The following CNTNAP3B variants were observed in gnomAD, a reference collection of about 807,000 sequenced individuals.
CNTNAP3B encodes contactin associated protein family member 3B, also known as contactin-associated protein-like 3B.
In CNTNAP3B, 25 loss-of-function variants were observed where a neutral mutation model predicts 108.9. That is an observed-to-expected ratio of 0.23 (90% CI 0.17 to 0.32). CNTNAP3B has a LOEUF of 0.32. Ranked by LOEUF, CNTNAP3B falls within the 10% of genes least tolerant of loss-of-function variation. The pLI, the probability that CNTNAP3B is intolerant of heterozygous loss-of-function variation, is 1.00. For missense variants in CNTNAP3B, 252 were observed against 1,210.4 expected (o/e 0.21, Z 11.75); for synonymous variants, 103 against 473.4 (o/e 0.22, Z 10.16).
intron 1 of CNTNAP3B, among the ~76,000 whole-genome samples, chr9:42,118,000 C>T (rs1334256508): frequency 2.2e-5 from 3 of 133,412 alleles, no homozygotes; most frequent in Non-Finnish European, 3.2e-5. Context: ...TCTGAATAGA[C>T]CAATAACAGG....
chr9:41,945,151 C>A (rs1824487696), intron 13 of CNTNAP3B, among the ~76,000 whole-genome samples: 1 of 152,310 alleles, frequency 6.6e-6, no homozygotes, highest in Non-Finnish European at 1.5e-5. Context: ...AATAGGAACA[C>A]TTTTACACTG....
Position 42,085,061 on chromosome 9 carries a change from AT to A in CNTNAP3B, c.197-8000del, listed in dbSNP as rs1289022691. 5.8e-5 allele frequency among the ~76,000 whole-genome samples: 7 copies of A among 121,664 alleles called. No individual in the cohort carries two copies. In the South Asian group the frequency reaches 2.1e-3, roughly 36 times the overall value. 79.8% of individuals were successfully genotyped at this position (121,664 alleles called of 152,430 possible). A position where few individuals can be genotyped will look rare whatever the true frequency, so the allele number is the denominator to read the frequency against. ...ATAGGACCAATTGTTGTAATTTACC[AT>A]TTTCATCATTGGTCATAGTCCTTTT... On this transcript the variant is annotated intron_variant, in intron 2 of 23. Coordinates refer to ENST00000377561, the MANE Select transcript of CNTNAP3B (RefSeq NM_001201380.3).
chr9:41,946,027 C>T (rs80323968), intron 13 of CNTNAP3B, among the ~76,000 whole-genome samples: 1 of 152,260 alleles, frequency 6.6e-6, no homozygotes, highest in African/African-American at 2.4e-5. Flanking sequence ...GTCAATATAA[C>T]AAGAAGATAT....
chr9:42,112,011 G>T (rs1478373596), intron 1 of CNTNAP3B, among the ~76,000 whole-genome samples: 1 of 139,166 alleles, frequency 7.2e-6, no homozygotes, highest in African/African-American at 2.9e-5. Context: ...CAAATTTCAG[G>T]TCCTGGCATT....
chr9:42,060,973 GA>G (rs1273972781), intron 3 of CNTNAP3B, among the ~76,000 whole-genome samples: 2 of 91,316 alleles, frequency 2.2e-5, no homozygotes, highest in Non-Finnish European at 4.3e-5. Flanking sequence ...GACTTTTATG[GA>G]TTTTTTTTAT....
intron 18 of CNTNAP3B, among the ~76,000 whole-genome samples, chr9:41,917,949 C>A (rs1184565911): frequency 6.6e-6 from 1 of 152,306 alleles, no homozygotes; most frequent in Non-Finnish European, 1.5e-5. Context: ...GGCTTAAATG[C>A]CTCAAACTCT....
chr9:42,016,634 C>A (rs1278335259), intron 3 of CNTNAP3B, among the ~76,000 whole-genome samples: 2 of 151,818 alleles, frequency 1.3e-5, no homozygotes, highest in African/African-American at 4.9e-5. Flanking sequence ...CAGCCTTCAA[C>A]AATTCTGCAG....
intron 3 of CNTNAP3B, among the ~76,000 whole-genome samples, chr9:42,071,215 C>T (rs1228880770): frequency 6.9e-6 from 1 of 145,644 alleles, no homozygotes; most frequent in Non-Finnish European, 1.5e-5. Context: ...GTGGGGAGGG[C>T]AGTGGGAGCT....
intron 3 of CNTNAP3B, among the ~76,000 whole-genome samples, chr9:42,028,751 AT>A (rs1277885837): frequency 6.7e-6 from 1 of 150,176 alleles, no homozygotes; most frequent in Non-Finnish European, 1.5e-5. Context: ...GAAGTTTGGC[AT>A]TTTTATATAA....
intron 4 of CNTNAP3B, among the ~76,000 whole-genome samples, chr9:42,003,734 T>G (rs1422451823): frequency 7.3e-6 from 1 of 137,712 alleles, no homozygotes; most frequent in Non-Finnish European, 1.6e-5. Context: ...CAAAGGCAGG[T>G]GGATCATTTG....
intron 11 of CNTNAP3B, among the ~76,000 whole-genome samples, chr9:41,964,332 T>A (rs1391676876): frequency 2.0e-5 from 3 of 152,194 alleles, no homozygotes; most frequent in Non-Finnish European, 2.9e-5. Context: ...TTTTTTTCAA[T>A]CCTATGCGTA....
rs1366739112 is a variant in CNTNAP3B at position 42,096,579 on chromosome 9, A to T, written c.196+8050T>A. Among the ~76,000 whole-genome samples, 2 of 131,644 alleles carry T rather than the reference A, an allele frequency of 1.5e-5. 1 individual carries two copies. The highest frequency in any genetic ancestry group is 3.2e-5 in the Non-Finnish European group (2 of 62,626). 86.4% of individuals were successfully genotyped at this position (131,644 alleles called of 152,430 possible). ...GAAAAATTTCAGTGAGCTTGGAAGC[A>T]GGGTCATTTATGTTAATTGTACATG... On this transcript the variant is annotated intron_variant, in intron 2 of 23. Transcript: ENST00000377561.
At chr9:41,936,732 CACTGCACTAAA>C (rs1175116556) in intron 14 of CNTNAP3B, among the ~76,000 whole-genome samples, 5 of 152,208 alleles carry the variant, frequency 3.3e-5, no homozygotes, top group Admixed American at 1.3e-4. Flanking sequence ...TCCTGTTACT[CACTGCACTAAA>C]ACTGCATTCA....
intron 13 of CNTNAP3B, among the ~76,000 whole-genome samples, chr9:41,938,700 C>T (rs1165185235): frequency 6.6e-6 from 1 of 152,254 alleles, no homozygotes; most frequent in Non-Finnish European, 1.5e-5. Context: ...AAAAAATTCA[C>T]CATTAAAATT....
At chr9:42,116,824 G>A (rs1828329841) in intron 1 of CNTNAP3B, among the ~76,000 whole-genome samples, 1 of 137,604 alleles carries the variant, frequency 7.3e-6, no homozygotes, top group African/African-American at 2.9e-5. Flanking sequence ...AAGGTATGGA[G>A]GAAGGTCTGC....
chr9:42,071,875 C>A (rs369288309), intron 3 of CNTNAP3B, among the ~76,000 whole-genome samples: 4,372 of 141,084 alleles, frequency 0.031, 17 homozygotes, highest in South Asian at 0.078. Context: ...TTGGTAAATG[C>A]TGTGATATTT....
Position 42,123,995 on chromosome 9 carries a change from G to A in CNTNAP3B, c.85+5015C>T, listed in dbSNP as rs28581559. On this transcript the variant is annotated intron_variant, in intron 1 of 23. Coordinates refer to ENST00000377561, the MANE Select transcript of CNTNAP3B (RefSeq NM_001201380.3). Reference sequence around the variant, plus strand: ...CTGTTTTTATACTCTCAAAAAATGTGATTATACTTAATCAAAAGTAATTCA... The same window carrying A: ...CTGTTTTTATACTCTCAAAAAATGTAATTATACTTAATCAAAAGTAATTCA... Among the ~76,000 whole-genome samples, 86 of 129,646 alleles carry A rather than the reference G, an allele frequency of 6.6e-4. 15 individuals are homozygous for A. In the East Asian group the frequency reaches 0.02, roughly 30 times the overall value. The allele number at this position is 129,646 out of a possible 152,430, so 85.1% of individuals were successfully genotyped here.
Position 42,124,007 on chromosome 9 carries a change from T to C in CNTNAP3B, c.85+5003A>G, listed in dbSNP as rs1246618904. Among the ~76,000 whole-genome samples, 2 of 131,504 alleles carry C rather than the reference T, an allele frequency of 1.5e-5. 1 individual carries two copies. The highest frequency in any genetic ancestry group is 3.2e-5 in the Non-Finnish European group (2 of 62,890). The allele number at this position is 131,504 out of a possible 152,430, so 86.3% of individuals were successfully genotyped here. ...TCTCAAAAAATGTGATTATACTTAA[T>C]CAAAAGTAATTCAAACCACAGCCCA... On this transcript the variant is annotated intron_variant, in intron 1 of 23. Coordinates refer to ENST00000377561, the MANE Select transcript of CNTNAP3B (RefSeq NM_001201380.3).
rs530837595 is a variant in CNTNAP3B, at chr9:42,115,843, G to A, written c.86-11104C>T. Among the ~76,000 whole-genome samples the A allele has an allele frequency of 1.9e-4, 23 of 121,898 alleles. 1 individual carries two copies. Among genetic ancestry groups the A allele is most frequent in the Non-Finnish European group, 3.6e-4 (21 of 59,082 alleles). The allele number at this position is 121,898 out of a possible 152,430, so 80.0% of individuals were successfully genotyped here. On this transcript the variant is annotated intron_variant, in intron 1 of 23. Coordinates refer to ENST00000377561, the MANE Select transcript of CNTNAP3B (RefSeq NM_001201380.3). ...AGGAACACAACGCCTCGCCAGCAAC[G>A]GAACAAAGCTGGATGGAGAATGACT...
Sources: gnomAD v4.1 joint callset for allele counts (sites outside exome capture counted in the v4.1 genomes callset) on GRCh38, gnomAD v4.1.1 for gene constraint, MANE v1.5 for transcripts, NCBI Gene and HGNC (gene_info 2026-07-23, HGNC 2026-07-21) for gene names.